Variants in GRIK2 observed in about 807,000 individuals in gnomAD.
GRIK2 encodes glutamate receptor ionotropic, kainate 2.
Under a neutral mutation model 100.3 loss-of-function variants are expected in GRIK2, and 32 were observed. That is an observed-to-expected ratio of 0.32 (90% CI 0.24 to 0.43). The LOEUF (loss-of-function observed/expected upper bound fraction) is 0.43, where lower values mean the gene tolerates loss of function less well. GRIK2 is among the 20% of genes least tolerant of loss of function. The pLI is 1.00. For missense variants in GRIK2, 843 were observed against 1,114.9 expected (o/e 0.76, Z 3.47); for synonymous variants, 417 against 389.4 (o/e 1.07, Z -0.83).
At chr6:101,759,559 A>T (rs1302868292) in intron 7 of GRIK2, among the ~76,000 whole-genome samples, 1 of 152,148 alleles carries the variant, frequency 6.6e-6, no homozygotes, top group African/African-American at 2.4e-5. Context: ...TGAGGTTTGG[A>T]GAGGTTACTG....
At chr6:101,404,765 A>G (rs752452832) in intron 2 of GRIK2, among the ~76,000 whole-genome samples, 3 of 152,206 alleles carry the variant, frequency 2.0e-5, no homozygotes, top group Non-Finnish European at 4.4e-5. Flanking sequence ...TTTGTAGTCC[A>G]GTTATCAAAG....
chr6:101,546,990 C>A (rs1420465618), intron 2 of GRIK2, among the ~76,000 whole-genome samples: 1 of 150,266 alleles, frequency 6.7e-6, no homozygotes, highest in African/African-American at 2.4e-5. Context: ...GCCACTACGC[C>A]CAGCTAATTT....
At chr6:101,857,618 T>G (rs1045955162) in intron 10 of GRIK2, among the ~76,000 whole-genome samples, 3 of 152,174 alleles carry the variant, frequency 2.0e-5, no homozygotes, top group Non-Finnish European at 4.4e-5. Flanking sequence ...ATCCTAACTT[T>G]TCTCACTCTG....
At chr6:101,394,956 G>T (rs1485037140) in intron 1 of GRIK2, among the ~76,000 whole-genome samples, 2 of 152,026 alleles carry the variant, frequency 1.3e-5, no homozygotes, top group Non-Finnish European at 2.9e-5. Flanking sequence ...AAAAAAAAAA[G>T]TTCTGGGATA....
intron 14 of GRIK2, among the ~76,000 whole-genome samples, chr6:101,966,530 T>C (rs1792685306): frequency 6.6e-6 from 1 of 152,144 alleles, no homozygotes; most frequent in Non-Finnish European, 1.5e-5. Flanking sequence ...ATCTTAACTT[T>C]TATAACAGGA....
chr6:102,062,508 G>GTGAT (rs10632283), intron 16 of GRIK2, among the ~76,000 whole-genome samples: 64,115 of 149,802 alleles, frequency 0.43, 13,824 homozygotes, highest in Middle Eastern at 0.49. Flanking sequence ...TAAAACTACA[G>GTGAT]TGATCAGTAG....
intron 11 of GRIK2, 111 bp from the exon 12 acceptor site, chr6:101,889,529 A>C (rs1461048402): frequency 4.8e-6 from 3 of 626,290 alleles, no homozygotes; most frequent in Non-Finnish European, 8.4e-6. Flanking sequence ...TTAAGTGTAA[A>C]GCCTTTGTTT....
chr6:101,729,844 G>A (rs1775137215), intron 7 of GRIK2, among the ~76,000 whole-genome samples: 1 of 151,820 alleles, frequency 6.6e-6, no homozygotes, highest in Admixed American at 6.6e-5. Context: ...AGAACATTTG[G>A]ACTTTTTAAG....
intron 7 of GRIK2, among the ~76,000 whole-genome samples, chr6:101,778,034 T>C (rs959023081): frequency 6.6e-6 from 1 of 152,184 alleles, no homozygotes; most frequent in African/African-American, 2.4e-5. Flanking sequence ...ACTTTATGGT[T>C]GAATTCATCC....
At chr6:101,703,951 G>A (rs1341035024) in intron 7 of GRIK2, among the ~76,000 whole-genome samples, 2 of 151,738 alleles carry the variant, frequency 1.3e-5, no homozygotes, top group Admixed American at 6.6e-5. Context: ...AAAATGAAGT[G>A]AGTATACCAG....
chr6:101,844,024 A>C (rs2128436280), intron 10 of GRIK2, among the ~76,000 whole-genome samples: 1 of 152,234 alleles, frequency 6.6e-6, no homozygotes, highest in African/African-American at 2.4e-5. Flanking sequence ...ATATCTATTA[A>C]ATAGATTATA....
rs143406012 is a variant in GRIK2 at position 101,620,275 on chromosome 6, A to G, written c.116-1674A>G. 5.5e-5 allele frequency: 37 copies of G among 671,104 alleles called. No individual in the cohort carries two copies. In the East Asian group the frequency reaches 3.0e-3, roughly 54 times the overall value. 41.6% of individuals were successfully genotyped at this position (671,104 alleles called of 1,614,324 possible). A position where few individuals can be genotyped will look rare whatever the true frequency, so the allele number is the denominator to read the frequency against. On this transcript the variant is annotated intron_variant, in intron 2 of 16. Transcript: ENST00000369134. ...CAGAAGGAATCTAGGTTAGTTCTTT[A>G]CACCCATTAGACACATATAATTATT...
rs558500417 is a variant in GRIK2, at chr6:101,811,942, G to A, written c.1204-6428G>A. On this transcript the variant is annotated intron_variant, in intron 9 of 16. Coordinates refer to ENST00000369134, the MANE Select transcript of GRIK2 (RefSeq NM_021956.5). ...TAGAAAAAAATACACAGAAACCAAA[G>A]AGAAAATATACTTATAAAACAAAAT... Among the ~76,000 whole-genome samples the A allele has an allele frequency of 1.2e-4, 18 of 150,976 alleles. No homozygotes were observed. The South Asian group carries it at 3.8e-3, about 32-fold the overall frequency.
intron 14 of GRIK2, among the ~76,000 whole-genome samples, chr6:101,955,622 C>T (rs1005451481): frequency 7.5e-6 from 1 of 133,962 alleles, no homozygotes. Flanking sequence ...CTCTCCCCCC[C>T]ATTTCTTTTA....
intron 12 of GRIK2, among the ~76,000 whole-genome samples, chr6:101,907,647 T>C (rs1188630314): frequency 7.2e-6 from 1 of 138,540 alleles, no homozygotes; most frequent in Non-Finnish European, 1.7e-5. Context: ...GTAGCTAACA[T>C]TGGGTTTTGC....
intron 2 of GRIK2, among the ~76,000 whole-genome samples, chr6:101,502,985 G>A (rs530788787): frequency 1.3e-5 from 2 of 152,196 alleles, no homozygotes; most frequent in Admixed American, 1.3e-4. Context: ...CAGGATGGCT[G>A]CTCTATTGAG....
chr6:101,621,877 A>T (rs1582841450), intron 2 of GRIK2, 72 bp from the exon 3 acceptor site: 1 of 1,041,766 alleles, frequency 9.6e-7, no homozygotes, highest in Non-Finnish European at 1.5e-6. Flanking sequence ...AAAACTTCTG[A>T]TATTTTCTTT....
intron 2 of GRIK2, among the ~76,000 whole-genome samples, chr6:101,551,017 A>G (rs1415185767): frequency 4.6e-5 from 7 of 152,178 alleles, no homozygotes; most frequent in African/African-American, 1.4e-4. Flanking sequence ...ATGGAGCCTC[A>G]GCCTCACCTA....
intron 7 of GRIK2, among the ~76,000 whole-genome samples, chr6:101,781,437 G>T (rs566360202): frequency 1.3e-5 from 2 of 152,206 alleles, no homozygotes; most frequent in Non-Finnish European, 1.5e-5. Context: ...ATATGTATTT[G>T]GGGGTATACT....
Sources: gnomAD v4.1 joint callset for allele counts (sites outside exome capture counted in the v4.1 genomes callset) on GRCh38, gnomAD v4.1.1 for gene constraint, MANE v1.5 for transcripts, NCBI Gene and HGNC (gene_info 2026-07-23, HGNC 2026-07-21) for gene names.